IGFL2: variants seen among roughly 807,000 people sequenced by gnomAD.
The protein encoded by IGFL2 is insulin growth factor-like family member 2.
In IGFL2, 7 loss-of-function variants were observed where a neutral mutation model predicts 13.9. The ratio of observed to expected loss-of-function variants is 0.51; its 90% CI spans 0.29 to 0.95. The LOEUF (loss-of-function observed/expected upper bound fraction) is 0.95. Among genes scored for constraint, IGFL2 ranks in the 40% least tolerant of loss-of-function variants. IGFL2 has a pLI of 0.08. For missense variants in IGFL2, 138 were observed against 147.8 expected, an observed-to-expected ratio of 0.93 and a Z score of 0.34; for synonymous variants, 55 against 55.8, an observed-to-expected ratio of 0.99 and a Z score of 0.07.
chr19:46,183,092 G>A, the IGFL2 span, among the ~76,000 whole-genome samples: 7 of 152,190 alleles, frequency 4.6e-5, no homozygotes, highest in South Asian at 4.2e-4. Context: ...GGGAGGCCTC[G>A]GGAAACTCGA....
chr19:46,105,848 G>C, the IGFL2 span, among the ~76,000 whole-genome samples: 2 of 152,174 alleles, frequency 1.3e-5, no homozygotes, highest in Admixed American at 1.3e-4. Flanking sequence ...TGCAGTCCCA[G>C]CTCTTGTGTA....
intron 1 of IGFL2, among the ~76,000 whole-genome samples, chr19:46,151,877 A>T (rs1337903197): frequency 2.0e-5 from 3 of 152,132 alleles, no homozygotes; most frequent in African/African-American, 7.2e-5. Context: ...ACGCCACTGC[A>T]CTCCAGCCTG....
At chr19:46,172,042 C>T in the IGFL2 span, among the ~76,000 whole-genome samples, 1 of 152,102 alleles carries the variant, frequency 6.6e-6, no homozygotes, top group South Asian at 2.1e-4. Context: ...CTTATTTTTG[C>T]TTTGGATTAA....
chr19:46,166,674 G>A, the IGFL2 span, among the ~76,000 whole-genome samples: 4 of 152,256 alleles, frequency 2.6e-5, no homozygotes, highest in Admixed American at 6.5e-5. Context: ...AGACAGGTAC[G>A]CCCCGGAGGG....
At chr19:46,111,022 C>T in the IGFL2 span, 1 of 152,030 alleles carries the variant, frequency 6.6e-6, no homozygotes, top group African/African-American at 2.4e-5. Context: ...AACATAAATA[C>T]TGAGTCATTT....
At chr19:46,122,342 ATAT>A in the IGFL2 span, among the ~76,000 whole-genome samples, 2 of 151,066 alleles carry the variant, frequency 1.3e-5, no homozygotes, top group Non-Finnish European at 2.9e-5. Flanking sequence ...CAAATACTAA[ATAT>A]TATAATTTTC....
upstream of IGFL2, among the ~76,000 whole-genome samples, chr19:46,146,965 A>G (rs1420569195): frequency 6.6e-6 from 1 of 152,228 alleles, no homozygotes; most frequent in Non-Finnish European, 1.5e-5. Flanking sequence ...CCCACATGGT[A>G]TCCAGTGACA....
chr19:46,089,809 A>G, the IGFL2 span, among the ~76,000 whole-genome samples: 5 of 151,948 alleles, frequency 3.3e-5, no homozygotes, highest in African/African-American at 1.2e-4. Flanking sequence ...TTGGCAGTTT[A>G]CTTATAATAT....
At chr19:46,096,871 G>A in the IGFL2 span, among the ~76,000 whole-genome samples, 1 of 152,286 alleles carries the variant, frequency 6.6e-6, no homozygotes, top group East Asian at 1.9e-4. Context: ...GATGAAGCCA[G>A]CTTGATTGTG....
the IGFL2 span, among the ~76,000 whole-genome samples, chr19:46,088,727 CGAT>C: frequency 6.6e-6 from 1 of 152,054 alleles, no homozygotes; most frequent in Non-Finnish European, 1.5e-5. Flanking sequence ...TGAGAAGAGG[CGAT>C]GAGAATACAA....
the IGFL2 span, among the ~76,000 whole-genome samples, chr19:46,185,228 C>CT: frequency 6.6e-6 from 1 of 152,056 alleles, no homozygotes; most frequent in Non-Finnish European, 1.5e-5. Flanking sequence ...TAGTTTCTTC[C>CT]TTTTTTCTAC....
the IGFL2 span, among the ~76,000 whole-genome samples, chr19:46,095,318 A>G: frequency 6.6e-6 from 1 of 152,184 alleles, no homozygotes; most frequent in Non-Finnish European, 1.5e-5. Context: ...TGTGTCACAT[A>G]AATGTCTTCT....
At chr19:46,193,208 A>G in the IGFL2 span, among the ~76,000 whole-genome samples, 3 of 152,092 alleles carry the variant, frequency 2.0e-5, no homozygotes, top group African/African-American at 7.2e-5. Context: ...ACAAAAACAA[A>G]ACACAAAACA....
chr19:46,169,847 CAAAAAA>C, the IGFL2 span, among the ~76,000 whole-genome samples: 30 of 113,602 alleles, frequency 2.6e-4, no homozygotes, highest in East Asian at 1.8e-3. Flanking sequence ...GACTCTGTCT[CAAAAAA>C]AAAAAAAAAA....
chr19:46,083,201 G>A, the IGFL2 span, among the ~76,000 whole-genome samples: 1 of 152,180 alleles, frequency 6.6e-6, no homozygotes, highest in Admixed American at 6.5e-5. Context: ...GTTACTGACT[G>A]GATGCAGTGC....
chr19:46,154,715 C>G (rs1448963473), intron 1 of IGFL2, among the ~76,000 whole-genome samples: 2 of 152,172 alleles, frequency 1.3e-5, no homozygotes, highest in Admixed American at 1.3e-4. Flanking sequence ...TCCCAAAGTG[C>G]TGGGATTACA....
chr19:46,154,699 T>C (rs7246903), intron 1 of IGFL2, among the ~76,000 whole-genome samples: 17,078 of 152,166 alleles, frequency 0.11, 1,463 homozygotes, highest in African/African-American at 0.23. Context: ...TCTGCCCGCC[T>C]CAGCCTCCCA....
At chr19:46,187,468 A>G in the IGFL2 span, among the ~76,000 whole-genome samples, 288 of 87,544 alleles carry the variant, frequency 3.3e-3, 3 homozygotes, top group Middle Eastern at 0.016. Flanking sequence ...CAGAGACGGT[A>G]AGCATTAACC....
At chr19:46,191,677 C>A in the IGFL2 span, among the ~76,000 whole-genome samples, 1 of 152,106 alleles carries the variant, frequency 6.6e-6, no homozygotes, top group Admixed American at 6.6e-5. Context: ...TGGAGAGCCG[C>A]AGGTCATCAC....
Sources: allele counts gnomAD v4.1 joint callset (sites outside exome capture counted in the v4.1 genomes callset), GRCh38; gene constraint gnomAD v4.1.1; transcripts MANE v1.5; gene names NCBI Gene and HGNC (gene_info 2026-07-23, HGNC 2026-07-21).